The following BUB1B variants were observed in gnomAD, a reference collection of about 807,000 sequenced individuals.
BUB1B encodes mitotic checkpoint serine/threonine-protein kinase BUB1 beta.
A neutral mutation model predicts 137.7 loss-of-function variants in BUB1B; 86 were observed. That is an observed-to-expected ratio of 0.62 (90% CI 0.52 to 0.75). BUB1B has a LOEUF of 0.75. Among genes scored for constraint, BUB1B ranks in the 30% least tolerant of loss-of-function variants. BUB1B has a pLI of 0.00. For synonymous variants in BUB1B, 420 were observed against 417.9 expected (o/e 1.00, Z -0.06); for missense variants, 1,130 against 1,236.9 (o/e 0.91, Z 1.30).
chr15:40,189,126 A>G (rs909881151), intron 8 of BUB1B, among the ~76,000 whole-genome samples: 16 of 152,040 alleles, frequency 1.1e-4, no homozygotes, highest in African/African-American at 3.6e-4. Flanking sequence ...TCTCGTGTAA[A>G]TAATATAATA....
At chr15:40,187,840 T>C (rs1049032283) in intron 8 of BUB1B, among the ~76,000 whole-genome samples, 2 of 152,120 alleles carry the variant, frequency 1.3e-5, no homozygotes, top group Non-Finnish European at 2.9e-5. Flanking sequence ...AGTTTGTGGC[T>C]ACGGTGAGCT....
intron 4 of BUB1B, among the ~76,000 whole-genome samples, chr15:40,174,973 GA>G (rs1045875277): frequency 1.3e-5 from 2 of 151,472 alleles, no homozygotes; most frequent in Admixed American, 6.6e-5. Flanking sequence ...CAAAAAAAAG[GA>G]AAAAAAATGC....
intron 8 of BUB1B, among the ~76,000 whole-genome samples, chr15:40,187,991 T>C (rs1356657919): frequency 1.3e-5 from 2 of 152,250 alleles, no homozygotes; most frequent in African/African-American, 2.4e-5. Flanking sequence ...TTTTCTAATG[T>C]TTCAAGTCAT....
At chr15:40,216,784 CA>C (rs2037798335) in intron 20 of BUB1B, among the ~76,000 whole-genome samples, 1 of 151,434 alleles carries the variant, frequency 6.6e-6, no homozygotes, top group Non-Finnish European at 1.5e-5. Context: ...GAAAAACAGA[CA>C]AAAGGAACAC....
At chr15:40,190,203 C>T (rs889561153) in intron 8 of BUB1B, among the ~76,000 whole-genome samples, 1 of 152,214 alleles carries the variant, frequency 6.6e-6, no homozygotes, top group Non-Finnish European at 1.5e-5. Flanking sequence ...GACAGCAAAA[C>T]TAACTTTTTT....
At chr15:40,177,508 C>A (rs761216808) in intron 5 of BUB1B, among the ~76,000 whole-genome samples, 31 of 151,986 alleles carry the variant, frequency 2.0e-4, no homozygotes, top group Non-Finnish European at 4.3e-4. Flanking sequence ...TGCCTTTATA[C>A]CTTGATTTTT....
At chr15:40,184,024 C>G in intron 6 of BUB1B, 141 bp downstream of exon 6, 1 of 866,850 alleles carries the variant, frequency 1.2e-6, no homozygotes, top group Non-Finnish European at 1.8e-6. Context: ...CAAAGGAGAG[C>G]TAATATTACA....
rs1411300503 is a variant in BUB1B, at chr15:40,181,132, C to T, written c.582-2582C>T. On this transcript the variant is annotated intron_variant, in intron 5 of 22. Coordinates refer to ENST00000287598, the MANE Select transcript of BUB1B (RefSeq NM_001211.6). Reference sequence around the variant, plus strand: ...TTTTAGACAGAGTCTAGCTCTGTTGCCTAGGCTGGAGTGCAGTGGCACGAT... The same window carrying T: ...TTTTAGACAGAGTCTAGCTCTGTTGTCTAGGCTGGAGTGCAGTGGCACGAT... Among the ~76,000 whole-genome samples the T allele has an allele frequency of 1.2e-4, 18 of 149,870 alleles. 1 individual carries two copies. Among genetic ancestry groups the T allele is most frequent in the Admixed American group, 1.1e-3 (17 of 15,082 alleles).
At chr15:40,179,167 A>C (rs1182552076) in intron 5 of BUB1B, among the ~76,000 whole-genome samples, 1 of 149,746 alleles carries the variant, frequency 6.7e-6, no homozygotes, top group Admixed American at 6.6e-5. Flanking sequence ...TTTTTTTTCC[A>C]GGGAGGGAAG....
At chr15:40,172,623 G>A (rs749864692) in intron 4 of BUB1B, among the ~76,000 whole-genome samples, 2 of 152,066 alleles carry the variant, frequency 1.3e-5, no homozygotes, top group African/African-American at 2.4e-5. Context: ...AAACGGGTTC[G>A]TCTTGCTGTC....
At chr15:40,217,886 G>C (rs995364967) in intron 21 of BUB1B, among the ~76,000 whole-genome samples, 1 of 152,168 alleles carries the variant, frequency 6.6e-6, no homozygotes, top group African/African-American at 2.4e-5. Context: ...CTGTAACCGA[G>C]TGCCAGGGCC....
intron 20 of BUB1B, among the ~76,000 whole-genome samples, chr15:40,213,986 A>G (rs759763426): frequency 6.6e-6 from 1 of 152,260 alleles, no homozygotes; most frequent in Non-Finnish European, 1.5e-5. Flanking sequence ...ATTAAATCAG[A>G]TAAAAGAATT....
intron 10 of BUB1B, 142 bp downstream of exon 10, chr15:40,199,869 G>T: frequency 2.8e-6 from 2 of 708,468 alleles, no homozygotes; most frequent in Admixed American, 4.9e-5. Flanking sequence ...GGAAAGTTGA[G>T]CGGGAAAGTA....
chr15:40,161,529 T>C (rs368943327), intron 1 of BUB1B, among the ~76,000 whole-genome samples: 37 of 152,330 alleles, frequency 2.4e-4, no homozygotes, highest in African/African-American at 8.7e-4. Flanking sequence ...ATGTTGTCTG[T>C]TTGTAACTCA....
intron 18 of BUB1B, among the ~76,000 whole-genome samples, chr15:40,210,827 A>G (rs1484242195): frequency 6.6e-6 from 1 of 152,172 alleles, no homozygotes; most frequent in Admixed American, 6.5e-5. Flanking sequence ...TGAGTCTCAA[A>G]GCTTTGTGTG....
intron 1 of BUB1B, among the ~76,000 whole-genome samples, chr15:40,164,477 C>T (rs1357869973): frequency 6.6e-6 from 1 of 151,998 alleles, no homozygotes; most frequent in Non-Finnish European, 1.5e-5. Flanking sequence ...CTTCTCCTGA[C>T]TCAGCCTCCC....
intron 1 of BUB1B, among the ~76,000 whole-genome samples, chr15:40,162,795 T>A (rs891902519): frequency 6.6e-6 from 1 of 152,086 alleles, no homozygotes; most frequent in African/African-American, 2.4e-5. Context: ...TAATTCACTA[T>A]TTTTAAGAGC....
At chr15:40,170,787 A>T in intron 4 of BUB1B, 106 bp downstream of exon 4, 1 of 1,116,162 alleles carries the variant, frequency 9.0e-7, no homozygotes, top group Non-Finnish European at 1.3e-6. Flanking sequence ...ATTTTGAACC[A>T]TTTAGTAGAT....
chr15:40,206,247 A>T lies in BUB1B; in HGVS notation c.1798A>T (p.Thr600Ser), dbSNP rs756946537. 2 of 1,614,206 alleles carry T rather than the reference A, an allele frequency of 1.2e-6. No homozygotes were observed. The highest frequency in any genetic ancestry group is 2.2e-5 in the South Asian group (2 of 91,088). Residue 600 changes from threonine (T) to serine (S), a missense_variant, in exon 15 of 23, where the codon ACA (threonine) becomes TCA (serine). Physicochemically the swap from Thr to Ser is moderately conservative, Grantham distance 58 (BLOSUM62 1). Coordinates refer to ENST00000287598, the MANE Select transcript of BUB1B (RefSeq NM_001211.6). ...CATTATCACAGGCTTCAGAAATGTA[A>T]CAATTTGTCCTAACCCAGAAGACAC... is the stretch of plus-strand genomic sequence containing the variant. ...DAIITGFRNVTICPNPEDTCD... is the reference protein window; with the variant it reads ...DAIITGFRNVSICPNPEDTCD...
Sources: gnomAD v4.1 joint callset for allele counts (sites outside exome capture counted in the v4.1 genomes callset) on GRCh38, gnomAD v4.1.1 for gene constraint, MANE v1.5 for transcripts, NCBI Gene and HGNC (gene_info 2026-07-23, HGNC 2026-07-21) for gene names.